SLC2A13: variants seen among roughly 807,000 people sequenced by gnomAD.
SLC2A13 encodes solute carrier family 2 member 13.
Under a neutral mutation model 64.4 loss-of-function variants are expected in SLC2A13, and 32 were observed. The ratio of observed to expected loss-of-function variants is 0.50; its 90% CI spans 0.37 to 0.67. The LOEUF (loss-of-function observed/expected upper bound fraction) is 0.67. SLC2A13 is among the 30% of genes least tolerant of loss of function. SLC2A13 has a pLI of 0.00. For synonymous variants in SLC2A13, 338 were observed against 327.1 expected, an observed-to-expected ratio of 1.03 and a Z score of -0.36; for missense variants, 743 against 829.2, an observed-to-expected ratio of 0.90 and a Z score of 1.28.
chr12:40,027,565 T>C (rs988379599), intron 3 of SLC2A13, among the ~76,000 whole-genome samples: 1 of 152,198 alleles, frequency 6.6e-6, no homozygotes, highest in Non-Finnish European at 1.5e-5. Flanking sequence ...TGTGTAGACA[T>C]GTATCAGCAA....
intron 3 of SLC2A13, among the ~76,000 whole-genome samples, chr12:39,992,254 C>T (rs747417765): frequency 3.3e-5 from 5 of 152,130 alleles, no homozygotes; most frequent in Non-Finnish European, 5.9e-5. Flanking sequence ...AGAGCACACA[C>T]ATGAGGACCC....
intron 3 of SLC2A13, among the ~76,000 whole-genome samples, chr12:40,009,400 A>C (rs1251758506): frequency 1.3e-5 from 2 of 152,162 alleles, no homozygotes; most frequent in Non-Finnish European, 2.9e-5. Flanking sequence ...GACTATTAAT[A>C]GGAAATAGAA....
chr12:39,760,490 T>C (rs557037698), intron 9 of SLC2A13, among the ~76,000 whole-genome samples: 1 of 152,024 alleles, frequency 6.6e-6, no homozygotes, highest in Non-Finnish European at 1.5e-5. Flanking sequence ...CAGGCTCAGA[T>C]GTAAGTTTGG....
intron 4 of SLC2A13, among the ~76,000 whole-genome samples, chr12:39,877,353 G>T (rs952725763): frequency 6.6e-6 from 1 of 152,058 alleles, no homozygotes; most frequent in East Asian, 1.9e-4. Flanking sequence ...AAAACCATCA[G>T]ATCTCAAAAG....
At chr12:40,047,597 C>G (rs1948190440) in intron 2 of SLC2A13, among the ~76,000 whole-genome samples, 1 of 152,124 alleles carries the variant, frequency 6.6e-6, no homozygotes, top group South Asian at 2.1e-4. Flanking sequence ...ACTTTAAACT[C>G]ATGTATATCT....
rs1389541934 is a variant in SLC2A13 at position 39,988,617 on chromosome 12, G to A, written c.926-37252C>T. 2.1e-5 allele frequency among the ~76,000 whole-genome samples: 3 copies of A among 142,346 alleles called. No homozygotes were observed. In the Admixed American group the frequency reaches 2.1e-4, roughly 10 times the overall value. 93.4% of individuals were successfully genotyped at this position (142,346 alleles called of 152,430 possible). A position where few individuals can be genotyped will look rare whatever the true frequency, so the allele number is the denominator to read the frequency against. ...GGAAGAAGAAGAAGACTAGGAGGAG[G>A]AGGGGAAGGAGGAGGAGGGGGAGGA... is the stretch of plus-strand genomic sequence containing the variant. On this transcript the variant is annotated intron_variant, in intron 3 of 9. Transcript: ENST00000280871.
intron 4 of SLC2A13, among the ~76,000 whole-genome samples, chr12:39,896,203 T>G (rs1015153728): frequency 6.7e-6 from 1 of 148,878 alleles, no homozygotes; most frequent in Admixed American, 6.7e-5. Flanking sequence ...TGTGTATGTA[T>G]ACATGTATAT....
intron 5 of SLC2A13, among the ~76,000 whole-genome samples, chr12:39,870,116 G>A (rs558647695): frequency 6.6e-6 from 1 of 152,136 alleles, no homozygotes; most frequent in Non-Finnish European, 1.5e-5. Context: ...ACGAACACAG[G>A]TTGCTAGAAA....
intron 4 of SLC2A13, among the ~76,000 whole-genome samples, chr12:39,892,230 T>C (rs73276524): frequency 0.022 from 3,400 of 152,326 alleles, 128 homozygotes; most frequent in African/African-American, 0.078. Context: ...CTCTTACCCT[T>C]GTCTATCTCA....
chr12:39,807,086 T>C (rs538561971), intron 7 of SLC2A13, among the ~76,000 whole-genome samples: 1 of 148,504 alleles, frequency 6.7e-6, no homozygotes, highest in African/African-American at 2.6e-5. Flanking sequence ...CTGAAAGTAA[T>C]TGCAACACAT....
intron 3 of SLC2A13, among the ~76,000 whole-genome samples, chr12:39,996,994 C>G (rs1947242353): frequency 6.6e-6 from 1 of 152,072 alleles, no homozygotes; most frequent in African/African-American, 2.4e-5. Context: ...CAATTCCAAT[C>G]AAAATACCAC....
chr12:40,070,075 T>C (rs1592056923), intron 1 of SLC2A13, among the ~76,000 whole-genome samples: 1 of 151,790 alleles, frequency 6.6e-6, no homozygotes, highest in Non-Finnish European at 1.5e-5. Context: ...GAATATGATA[T>C]AACCTAATTT....
chr12:39,900,994 T>C (rs1024526906), intron 4 of SLC2A13, among the ~76,000 whole-genome samples: 1 of 152,056 alleles, frequency 6.6e-6, no homozygotes, highest in African/African-American at 2.4e-5. Flanking sequence ...AACAGAGATA[T>C]AGATCAATGG....
chr12:39,889,771 CTG>C (rs1944558172), intron 4 of SLC2A13, among the ~76,000 whole-genome samples: 1 of 152,100 alleles, frequency 6.6e-6, no homozygotes, highest in African/African-American at 2.4e-5. Flanking sequence ...ACCTCGTGAT[CTG>C]CCCGCCTTGG....
intron 7 of SLC2A13, among the ~76,000 whole-genome samples, chr12:39,799,066 T>G (rs898988899): frequency 2.2e-5 from 3 of 138,162 alleles, no homozygotes; most frequent in Admixed American, 1.4e-4. Context: ...ACTGTTCTGG[T>G]TTTTTTTTTT....
At chr12:40,015,185 C>T (rs1194638268) in intron 3 of SLC2A13, among the ~76,000 whole-genome samples, 1 of 151,792 alleles carries the variant, frequency 6.6e-6, no homozygotes, top group East Asian at 1.9e-4. Flanking sequence ...AAAAAAATTC[C>T]AAGGAATTCA....
chr12:40,020,037 A>C (rs530129562), intron 3 of SLC2A13, among the ~76,000 whole-genome samples: 2 of 152,306 alleles, frequency 1.3e-5, no homozygotes, highest in South Asian at 4.1e-4. Flanking sequence ...TTAGTACCAG[A>C]GGGTTTAGAG....
intron 3 of SLC2A13, among the ~76,000 whole-genome samples, chr12:40,027,844 C>T (rs1947841637): frequency 6.6e-6 from 1 of 152,178 alleles, no homozygotes; most frequent in African/African-American, 2.4e-5. Flanking sequence ...TTGTTTGGTA[C>T]ATTTCTATGT....
At chr12:39,769,587 A>G (rs974902957) in intron 7 of SLC2A13, among the ~76,000 whole-genome samples, 1 of 151,790 alleles carries the variant, frequency 6.6e-6, no homozygotes, top group Non-Finnish European at 1.5e-5. Context: ...CAAGTCTGTC[A>G]CCCTTTCTGA....
Sources: allele counts gnomAD v4.1 joint callset (sites outside exome capture counted in the v4.1 genomes callset), GRCh38; gene constraint gnomAD v4.1.1; transcripts MANE v1.5; gene names NCBI Gene and HGNC (gene_info 2026-07-23, HGNC 2026-07-21).